Variants in KCNJ16 observed in about 807,000 individuals in gnomAD.
KCNJ16 encodes the protein inward rectifier potassium channel 16.
KCNJ16 carries 15 observed loss-of-function variants against 18.5 expected under a neutral mutation model. The observed-to-expected ratio is 0.81, with a 90% CI of 0.54 to 1.25. The LOEUF is 1.25. Ranked by LOEUF, KCNJ16 falls within the 50% of genes most tolerant of loss-of-function variation. KCNJ16 has a pLI of 0.00. For synonymous variants in KCNJ16, 174 were observed against 186.5 expected (o/e 0.93, Z 0.55); for missense variants, 523 against 525.7 (o/e 0.99, Z 0.05).
chr17:70,120,989 C>G (rs1383776039), intron 2 of KCNJ16, among the ~76,000 whole-genome samples: 5 of 151,872 alleles, frequency 3.3e-5, no homozygotes. Context: ...GGGATGCAGA[C>G]AAGTTAGGGG....
chr17:70,077,293 C>T (rs7211160), intron 1 of KCNJ16, among the ~76,000 whole-genome samples: 133,185 of 151,110 alleles, frequency 0.88, 58,406 homozygotes, highest in East Asian at 0.99. Flanking sequence ...CCATGGGAAG[C>T]GTAGATTTAG....
intron 1 of KCNJ16, among the ~76,000 whole-genome samples, chr17:70,076,295 T>C (rs2071306780): frequency 1.3e-5 from 2 of 152,104 alleles, no homozygotes; most frequent in South Asian, 4.1e-4. Flanking sequence ...TACTTTAGTA[T>C]GGGAAATGTA....
chr17:70,096,822 C>T (rs749190401), intron 1 of KCNJ16: 1 of 395,278 alleles, frequency 2.5e-6, no homozygotes, highest in Non-Finnish European at 4.5e-6. Flanking sequence ...ACTGGTAAAG[C>T]AAGTTACAGC....
rs1452071011 is a variant in KCNJ16 at position 70,130,994 on chromosome 17, G to C, written c.-94+19G>C. The C allele has an allele frequency of 2.0e-6, 3 of 1,534,568 alleles. No individual in the cohort carries two copies. In the Admixed American group the frequency reaches 5.9e-5, roughly 30 times the overall value. Reference sequence around the variant, plus strand: ...AAAAATGGTAAGAGCTGCATGTTCTGCCTTGATGTTTTCAAGACTGAATTT... The same window carrying C: ...AAAAATGGTAAGAGCTGCATGTTCTCCCTTGATGTTTTCAAGACTGAATTT... On this transcript the variant is annotated intron_variant, in intron 3 of 3. Transcript: ENST00000392671.
At chr17:70,092,557 G>A (rs62081364) in intron 1 of KCNJ16, among the ~76,000 whole-genome samples, 1 of 75,978 alleles carries the variant, frequency 1.3e-5, no homozygotes, top group Admixed American at 1.3e-4. Context: ...GATATAGATA[G>A]ATGATAGATA....
intron 2 of KCNJ16, among the ~76,000 whole-genome samples, chr17:70,111,599 C>G (rs917277953): frequency 1.3e-5 from 2 of 152,046 alleles, no homozygotes; most frequent in Non-Finnish European, 2.9e-5. Context: ...TGCTCGCAGA[C>G]AGGCAAGGTC....
rs1165704304 is a variant in KCNJ16, at chr17:70,133,388, T to G, written c.*44T>G. On this transcript the variant is annotated 3_prime_UTR_variant, in exon 4 of 4. Transcript: ENST00000392671. ...AGGGCTACCACTGAATCATTTTATCTTTCAGCCAATCAAGTCGTTGTAAAC... is the reference window on the plus strand; with the variant it reads ...AGGGCTACCACTGAATCATTTTATCGTTCAGCCAATCAAGTCGTTGTAAAC... 1 of 1,533,216 alleles carries G rather than the reference T, an allele frequency of 6.5e-7. No homozygotes were observed. The highest frequency in any genetic ancestry group is 8.9e-7 in the Non-Finnish European group (1 of 1,128,710). The allele number at this position is 1,533,216 out of a possible 1,614,324, so 95.0% of individuals were successfully genotyped here.
chr17:70,093,132 G>A (rs4433847), intron 1 of KCNJ16, among the ~76,000 whole-genome samples: 129,195 of 152,254 alleles, frequency 0.85, 54,889 homozygotes, highest in East Asian at 0.96. Context: ...AAGAAAATCT[G>A]AAAAAGGTGA....
At chr17:70,092,818 G>T (rs1026688245) in intron 1 of KCNJ16, among the ~76,000 whole-genome samples, 1 of 152,106 alleles carries the variant, frequency 6.6e-6, no homozygotes, top group African/African-American at 2.4e-5. Flanking sequence ...GGAAGAATAT[G>T]GATGCCCCAT....
chr17:70,128,853 G>A (rs1365155395), intron 2 of KCNJ16: 3 of 152,264 alleles, frequency 2.0e-5, no homozygotes, highest in East Asian at 3.8e-4. Flanking sequence ...GGTACAGACG[G>A]GCTGAGGTCT....
chr17:70,125,557 A>T (rs2073822668), intron 2 of KCNJ16, among the ~76,000 whole-genome samples: 1 of 152,132 alleles, frequency 6.6e-6, no homozygotes, highest in Non-Finnish European at 1.5e-5. Context: ...TCCAGACCCC[A>T]AGTGAGGGTT....
intron 2 of KCNJ16, among the ~76,000 whole-genome samples, chr17:70,127,740 T>G (rs974598031): frequency 6.6e-6 from 1 of 152,070 alleles, no homozygotes. Flanking sequence ...CTCTCAAATT[T>G]CCACCAAAAC....
rs937403350 is a variant in KCNJ16, at chr17:70,133,455, G to A, written c.*111G>A. 1 of 814,238 alleles carries A rather than the reference G, an allele frequency of 1.2e-6. No homozygotes were observed. The highest frequency in any genetic ancestry group is 1.7e-5 in the African/African-American group (1 of 57,704). The allele number at this position is 814,238 out of a possible 1,614,324, so 50.4% of individuals were successfully genotyped here. ...TGTTATGGCTATGTTTTATGATGAT[G>A]CTGGGTAAGTAGAGTAAGTTAAACT... is the stretch of plus-strand genomic sequence containing the variant. On this transcript the variant is annotated 3_prime_UTR_variant, in exon 4 of 4. Coordinates refer to ENST00000392671, the MANE Select transcript of KCNJ16 (RefSeq NM_170741.4).
chr17:70,101,332 A>G (rs1448456453), intron 2 of KCNJ16: 2 of 152,222 alleles, frequency 1.3e-5, no homozygotes, highest in East Asian at 1.9e-4. Context: ...TATTCTGTGC[A>G]TTTAAAATGA....
chr17:70,098,147 A>AT (rs2072464085), intron 1 of KCNJ16, among the ~76,000 whole-genome samples: 1 of 152,264 alleles, frequency 6.6e-6, no homozygotes, highest in Non-Finnish European at 1.5e-5. Flanking sequence ...TTTAAAAAAA[A>AT]TTTTCCTAGT....
At chr17:70,079,951 C>T (rs1456316435) in intron 1 of KCNJ16, among the ~76,000 whole-genome samples, 1 of 152,212 alleles carries the variant, frequency 6.6e-6, no homozygotes, top group Non-Finnish European at 1.5e-5. Flanking sequence ...AATCCACCCA[C>T]TTCGGCCTCC....
intron 2 of KCNJ16, among the ~76,000 whole-genome samples, chr17:70,106,825 G>A (rs1272626766): frequency 2.0e-5 from 3 of 152,182 alleles, no homozygotes; most frequent in Admixed American, 6.5e-5. Flanking sequence ...AGTCATGGGG[G>A]TCGAGAAGAA....
At chr17:70,088,046 A>T (rs2071911101) in intron 1 of KCNJ16, among the ~76,000 whole-genome samples, 1 of 149,954 alleles carries the variant, frequency 6.7e-6, no homozygotes, top group Non-Finnish European at 1.5e-5. Context: ...AAAAAAGTAA[A>T]AGAAAAAGAA....
chr17:70,132,065 G>A lies in KCNJ16; in HGVS notation c.-23G>A. The stretch of plus-strand genomic sequence containing the variant: ...TTCTTACTACTACAAAACTCACCTG[G>A]ATCCCTAAGGGCACAGCAAAGAATG... On this transcript the variant is annotated 5_prime_UTR_variant, in exon 4 of 4. Coordinates refer to ENST00000392671, the MANE Select transcript of KCNJ16 (RefSeq NM_170741.4). The A allele has an allele frequency of 6.2e-7, 1 of 1,613,812 alleles. No individual in the cohort carries two copies. Among genetic ancestry groups the A allele is most frequent in the Non-Finnish European group, 8.5e-7 (1 of 1,179,990 alleles).
Sources: allele counts gnomAD v4.1 joint callset (sites outside exome capture counted in the v4.1 genomes callset), GRCh38; gene constraint gnomAD v4.1.1; transcripts MANE v1.5; gene names NCBI Gene and HGNC (gene_info 2026-07-23, HGNC 2026-07-21).